UBE2O: variants seen among roughly 807,000 people sequenced by gnomAD.
The protein encoded by UBE2O is ubiquitin conjugating enzyme E2 O.
Under a neutral mutation model 125.8 loss-of-function variants are expected in UBE2O, and 15 were observed. The ratio of observed to expected loss-of-function variants is 0.12; its 90% confidence interval spans 0.08 to 0.18. UBE2O has a LOEUF of 0.18. Ranked by LOEUF, UBE2O falls within the 10% of genes least tolerant of loss-of-function variation. The pLI is 1.00. For missense variants in UBE2O, 1,280 were observed against 1,723.6 expected (o/e 0.74, Z 4.56); for synonymous variants, 708 against 703.2 (o/e 1.01, Z -0.11).
chr17:76,448,791 A>G (rs571837880), intron 1 of UBE2O, among the ~76,000 whole-genome samples: 20 of 152,362 alleles, frequency 1.3e-4, no homozygotes, highest in South Asian at 6.2e-4. Context: ...ACGTCTAGCC[A>G]GTGCTCATGA....
intron 1 of UBE2O, among the ~76,000 whole-genome samples, chr17:76,439,000 T>C (rs544924683): frequency 5.9e-5 from 9 of 152,274 alleles, no homozygotes; most frequent in African/African-American, 2.2e-4. Context: ...AATCACCCAT[T>C]GTAAACTCTG....
In UBE2O at chr17:76,399,267, TCA is replaced by T; in HGVS notation, c.1628+180_1628+181del. 1.4e-6 allele frequency: 1 copy of T among 736,576 alleles called. No homozygotes were observed. The highest frequency in any genetic ancestry group is 2.2e-6 in the Non-Finnish European group (1 of 455,756). 45.6% of individuals were successfully genotyped at this position (736,576 alleles called of 1,614,324 possible). On this transcript the variant is annotated intron_variant, in intron 9 of 17. Transcript: ENST00000319380. The surrounding 1 kb of genome is among the most constrained non-coding windows in gnomAD (Gnocchi z 6.9). ...ACCATCCCACCCTCTGCACCACTCC[TCA>T]GTCTCTGCTTTCCACCAGGGCCTAC...
chr17:76,424,396 A>T (rs1349059880), intron 1 of UBE2O, among the ~76,000 whole-genome samples: 1 of 150,514 alleles, frequency 6.6e-6, no homozygotes, highest in Non-Finnish European at 1.5e-5. Flanking sequence ...TTTTGTAGAG[A>T]CAGGGTTTCA....
chr17:76,446,063 C>A (rs1201035477), intron 1 of UBE2O, among the ~76,000 whole-genome samples: 1 of 152,230 alleles, frequency 6.6e-6, no homozygotes, highest in Non-Finnish European at 1.5e-5. Context: ...ACATTATAGA[C>A]GTTCCTGATT....
chr17:76,440,030 T>C, intron 1 of UBE2O, among the ~76,000 whole-genome samples: 1 of 152,196 alleles, frequency 6.6e-6, no homozygotes, highest in South Asian at 2.1e-4. Flanking sequence ...GATATAGCAG[T>C]GACAGAGATG....
In UBE2O at chr17:76,389,508, CACAAAAAAAAAAAA is replaced by C. The variant is rs2072063587; in HGVS notation, c.*1421_*1434del. ...TCACCTTGTCTTGCTAATGAGCCAA[CACAAAAAAAAAAAA>C]AAAAAAAAATGCAAGTAAAAAAAAG... is the stretch of plus-strand genomic sequence containing the variant. On this transcript the variant is annotated 3_prime_UTR_variant, in exon 18 of 18. Transcript: ENST00000319380. 1 of 40,650 alleles carries C rather than the reference CACAAAAAAAAAAAA, an allele frequency of 2.5e-5. No homozygotes were observed. The highest frequency in any genetic ancestry group is 1.4e-4 in the African/African-American group (1 of 7,226). 2.5% of individuals were successfully genotyped at this position (40,650 alleles called of 1,614,324 possible). A position where few individuals can be genotyped will look rare whatever the true frequency, so the allele number is the denominator to read the frequency against.
At chr17:76,450,258 G>A (rs183739586) in intron 1 of UBE2O, among the ~76,000 whole-genome samples, 311 of 152,184 alleles carry the variant, frequency 2.0e-3, no homozygotes, top group Middle Eastern at 6.8e-3. Flanking sequence ...CCACAGTTCT[G>A]CAAGGTCCCA....
chr17:76,445,732 A>G (rs933025185), intron 1 of UBE2O, among the ~76,000 whole-genome samples: 5 of 152,266 alleles, frequency 3.3e-5, no homozygotes, highest in Admixed American at 6.5e-5. Context: ...AGAGTTATCC[A>G]GTAACACAAT....
In UBE2O at chr17:76,398,136, A is replaced by G; in HGVS notation, c.2025+119T>C. 2 of 1,409,088 alleles carry G rather than the reference A, an allele frequency of 1.4e-6. No homozygotes were observed. The highest frequency in any genetic ancestry group is 2.5e-5 in the South Asian group (2 of 79,166). 87.3% of individuals were successfully genotyped at this position (1,409,088 alleles called of 1,614,324 possible). A position where few individuals can be genotyped will look rare whatever the true frequency, so the allele number is the denominator to read the frequency against. ...CTGGGGCAGCTGCCCTTCTGAGGACACTGAGCCCAGAGGACTTTCAGGTCT... is the reference window on the plus strand; with the variant it reads ...CTGGGGCAGCTGCCCTTCTGAGGACGCTGAGCCCAGAGGACTTTCAGGTCT... On this transcript the variant is annotated intron_variant, in intron 12 of 17. Transcript: ENST00000319380. This position sits in a 1 kb window ranked among gnomAD's most constrained non-coding sequence, Gnocchi z 5.4.
chr17:76,422,088 T>G (rs895520773), intron 1 of UBE2O, among the ~76,000 whole-genome samples: 2 of 152,164 alleles, frequency 1.3e-5, no homozygotes, highest in Admixed American at 6.5e-5. Flanking sequence ...GTGGTGATGT[T>G]TTTGAGACCT....
In UBE2O at chr17:76,396,294, T is replaced by G; in HGVS notation, c.2643A>C (p.Ala881=). Residue 881 remains alanine (A), a synonymous_variant, in exon 14 of 18, where the codon GCA becomes GCC. Transcript: ENST00000319380. The surrounding 1 kb of genome is among the most constrained non-coding windows in gnomAD (Gnocchi z 6.7). ...VAIVEEEKME[A]VPDVERKEDK... is the part of the protein sequence containing the mutation. ...CCTCCTTGCGCTCTACGTCGGGCAC[T>G]GCTTCCATCTTCTCCTCCTCTACAA... is the stretch of plus-strand genomic sequence containing the variant. The G allele has an allele frequency of 6.2e-7, 1 of 1,614,228 alleles. No individual in the cohort carries two copies. Among genetic ancestry groups the G allele is most frequent in the Non-Finnish European group, 8.5e-7 (1 of 1,180,044 alleles).
chr17:76,435,417 TACACAC>T (rs59781051), intron 1 of UBE2O, among the ~76,000 whole-genome samples: 30,051 of 96,194 alleles, frequency 0.31, 3,378 homozygotes, highest in East Asian at 0.52. Context: ...CACACACACA[TACACAC>T]ACACACACAC....
At chr17:76,429,528 T>G in intron 1 of UBE2O, among the ~76,000 whole-genome samples, 1 of 112,020 alleles carries the variant, frequency 8.9e-6, no homozygotes, top group African/African-American at 3.6e-5. Flanking sequence ...GGTGACAGAG[T>G]GAGACTCTGT....
In UBE2O at chr17:76,390,683, T is replaced by A. The variant is rs2072092090; in HGVS notation, c.*260A>T. ...GCAAGTGCCGGACATTCTGCTGGGGTGACAAATGGAAAATCGGCAACAGGG... is the reference window on the plus strand; with the variant it reads ...GCAAGTGCCGGACATTCTGCTGGGGAGACAAATGGAAAATCGGCAACAGGG... On this transcript the variant is annotated 3_prime_UTR_variant, in exon 18 of 18. Coordinates refer to ENST00000319380, the MANE Select transcript of UBE2O (RefSeq NM_022066.4). 2.6e-6 allele frequency: 1 copy of A among 384,304 alleles called. No homozygotes were observed. The highest frequency in any genetic ancestry group is 2.1e-5 in the African/African-American group (1 of 48,152). The allele number at this position is 384,304 out of a possible 1,614,324, so 23.8% of individuals were successfully genotyped here. A position where few individuals can be genotyped will look rare whatever the true frequency, so the allele number is the denominator to read the frequency against.
At chr17:76,411,296 C>G (rs998883013) in intron 1 of UBE2O, among the ~76,000 whole-genome samples, 3 of 152,112 alleles carry the variant, frequency 2.0e-5, no homozygotes, top group African/African-American at 7.2e-5. Flanking sequence ...GTGAGCCGCT[C>G]CACCTGGCCA....
intron 1 of UBE2O, among the ~76,000 whole-genome samples, chr17:76,417,917 G>C (rs1032577801): frequency 2.0e-5 from 3 of 152,326 alleles, no homozygotes; most frequent in Non-Finnish European, 2.9e-5. Context: ...TGTTTCCGCT[G>C]GTATTTGAGT....
At chr17:76,421,537 G>A (rs1344493538) in intron 1 of UBE2O, among the ~76,000 whole-genome samples, 1 of 152,116 alleles carries the variant, frequency 6.6e-6, no homozygotes, top group Non-Finnish European at 1.5e-5. Context: ...AACTAATTTT[G>A]TATTTTTAGT....
intron 1 of UBE2O, among the ~76,000 whole-genome samples, chr17:76,443,010 AT>A (rs1259709659): frequency 1.3e-5 from 2 of 152,196 alleles, no homozygotes; most frequent in African/African-American, 4.8e-5. Flanking sequence ...AAATGCTCTA[AT>A]TTTGAGAAGA....
chr17:76,424,905 C>T (rs1410603269), intron 1 of UBE2O, among the ~76,000 whole-genome samples: 1 of 150,126 alleles, frequency 6.7e-6, no homozygotes, highest in Non-Finnish European at 1.5e-5. Context: ...CGCCCTCACC[C>T]TGTCACCCAG....
Sources: allele counts gnomAD v4.1 joint callset (sites outside exome capture counted in the v4.1 genomes callset), GRCh38; gene constraint gnomAD v4.1.1; non-coding constraint Gnocchi (gnomAD v3.1); transcripts MANE v1.5; gene names NCBI Gene and HGNC (gene_info 2026-07-23, HGNC 2026-07-21).